The following SLC7A1 variants were observed in gnomAD, a reference collection of about 807,000 sequenced individuals.
SLC7A1 encodes the protein high affinity cationic amino acid transporter 1.
Under a neutral mutation model 53.9 loss-of-function variants are expected in SLC7A1, and 10 were observed. The observed-to-expected ratio is 0.19, with a 90% CI of 0.11 to 0.31. The LOEUF is 0.31. Among genes scored for constraint, SLC7A1 ranks in the 10% least tolerant of loss-of-function variants. The pLI is 1.00. For missense variants in SLC7A1, 525 were observed against 827.2 expected, an observed-to-expected ratio of 0.63 and a Z score of 4.48; for synonymous variants, 342 against 338.7, an observed-to-expected ratio of 1.01 and a Z score of -0.11.
At chr13:29,588,512 T>TC (rs1871981392) in intron 1 of SLC7A1, among the ~76,000 whole-genome samples, 2 of 151,074 alleles carry the variant, frequency 1.3e-5, no homozygotes, top group Non-Finnish European at 3.0e-5. Context: ...TTCTTTCTTT[T>TC]TTTTTTTTTG....
intron 9 of SLC7A1, among the ~76,000 whole-genome samples, chr13:29,518,656 C>G (rs1227635411): frequency 2.6e-5 from 4 of 152,158 alleles, no homozygotes; most frequent in African/African-American, 9.7e-5. Flanking sequence ...AGAGCTTCTG[C>G]TAAGGCTCAG....
Position 29,514,256 on chromosome 13 carries a change from G to A in SLC7A1, c.*224C>T. 2 of 560,338 alleles carry A rather than the reference G, an allele frequency of 3.6e-6. No individual in the cohort carries two copies. The highest frequency in any genetic ancestry group is 3.2e-6 in the Non-Finnish European group (1 of 311,886). The allele number at this position is 560,338 out of a possible 1,614,324, so 34.7% of individuals were successfully genotyped here. A position where few individuals can be genotyped will look rare whatever the true frequency, so the allele number is the denominator to read the frequency against. On this transcript the variant is annotated 3_prime_UTR_variant, in exon 13 of 13. Transcript: ENST00000380752. The stretch of plus-strand genomic sequence containing the variant: ...AGACACAGTGGCCAGCCGCAGCCTA[G>A]TGGCCCCGGCCAGGCAGCTGTCTGG...
At chr13:29,517,515 C>T in intron 10 of SLC7A1, 58 bp downstream of exon 10, 1 of 1,435,398 alleles carries the variant, frequency 7.0e-7, no homozygotes, top group East Asian at 2.3e-5. Flanking sequence ...TCCAGCTCCA[C>T]TGCCTAGAAA....
At chr13:29,562,290 T>C (rs1870793406) in intron 1 of SLC7A1, among the ~76,000 whole-genome samples, 1 of 152,252 alleles carries the variant, frequency 6.6e-6, no homozygotes, top group Non-Finnish European at 1.5e-5. Flanking sequence ...TTTCATTTTA[T>C]ATTTCACATT....
chr13:29,517,239 C>T lies in SLC7A1; in HGVS notation c.1582G>A (p.Ala528Thr). ...REALTKGALW[A>T]VFLLAGSALL... The stretch of plus-strand genomic sequence containing the variant: ...GCAGACCCTGCGAGCAGAAAGACTG[C>T]CCACAGCGCCCCTTTGGTGAGAGCC... Residue 528 changes from alanine to threonine, a missense_variant, in exon 11 of 13, where the codon GCA (alanine) becomes ACA (threonine). By Grantham distance (58) the Ala-to-Thr change is moderately conservative. Coordinates refer to ENST00000380752, the MANE Select transcript of SLC7A1 (RefSeq NM_003045.5). The T allele has an allele frequency of 6.2e-7, 1 of 1,613,272 alleles. No individual in the cohort carries two copies. Among genetic ancestry groups the T allele is most frequent in the Non-Finnish European group, 8.5e-7 (1 of 1,179,662 alleles).
At position 29,524,232 on chromosome 13, in the gene SLC7A1, G is replaced by A. The variant is rs761813938; in HGVS notation, c.726C>T (p.Pro242=). 6.8e-6 allele frequency: 11 copies of A among 1,613,990 alleles called. No individual in the cohort carries two copies. Among genetic ancestry groups the A allele is most frequent in the East Asian group, 4.5e-5 (2 of 44,890 alleles). Residue 242 remains proline, a synonymous_variant, in exon 6 of 13, where the codon CCC becomes CCT. Coordinates refer to ENST00000380752, the MANE Select transcript of SLC7A1 (RefSeq NM_003045.5). ...CGAAGGGCATGAATCCACCAACACC[G>A]GGCTTCCCTTCTTTTGTGTCACTAG... ...CLNNDTKEGK[P]GVGGFMPFGF...
Position 29,516,224 on chromosome 13 carries a change from G to GGGA in SLC7A1, c.1697_1699dup (p.Leu566dup). 1 of 1,613,162 alleles carries GGGA rather than the reference G, an allele frequency of 6.2e-7. No individual in the cohort carries two copies. The highest frequency in any genetic ancestry group is 8.5e-7 in the Non-Finnish European group (1 of 1,179,510). On this transcript the variant is annotated inframe_insertion, in exon 12 of 13. Transcript: ENST00000380752. The stretch of plus-strand genomic sequence containing the variant: ...GACGTTCACGAAGATGCTCAGGATG[G>GGGA]GGAGCACTGGCAGGAAGGGAACCTG...
intron 1 of SLC7A1, among the ~76,000 whole-genome samples, chr13:29,588,402 G>C (rs1325599114): frequency 6.6e-6 from 1 of 152,146 alleles, no homozygotes; most frequent in East Asian, 1.9e-4. Flanking sequence ...GAGTTTGTGT[G>C]GGGTGGAGAG....
intron 2 of SLC7A1, among the ~76,000 whole-genome samples, chr13:29,553,090 A>G (rs989968981): frequency 1.1e-4 from 17 of 152,236 alleles, no homozygotes; most frequent in African/African-American, 4.1e-4. Context: ...AACAGCCTGA[A>G]ATACCACTGC....
intron 2 of SLC7A1, among the ~76,000 whole-genome samples, chr13:29,540,000 C>G (rs1178983088): frequency 6.6e-6 from 1 of 152,128 alleles, no homozygotes; most frequent in Non-Finnish European, 1.5e-5. Flanking sequence ...ATGCAAAAAC[C>G]TGTTCTCCAA....
At chr13:29,543,187 G>A (rs1311814169) in intron 2 of SLC7A1, among the ~76,000 whole-genome samples, 1 of 152,166 alleles carries the variant, frequency 6.6e-6, no homozygotes, top group Non-Finnish European at 1.5e-5. Flanking sequence ...GAGAGTGTGG[G>A]ACAAAGAAAA....
At chr13:29,580,178 C>T (rs951037876) in intron 1 of SLC7A1, among the ~76,000 whole-genome samples, 4 of 152,192 alleles carry the variant, frequency 2.6e-5, no homozygotes, top group Non-Finnish European at 2.9e-5. Context: ...GAGTCCATGG[C>T]TGAGCCTGTG....
chr13:29,526,568 G>C (rs1043835788), intron 5 of SLC7A1, among the ~76,000 whole-genome samples: 4 of 152,186 alleles, frequency 2.6e-5, no homozygotes, highest in African/African-American at 9.7e-5. Flanking sequence ...AGGCAACCAT[G>C]AGGCAGAGGC....
At chr13:29,593,800 C>G (rs146266561) in intron 1 of SLC7A1, among the ~76,000 whole-genome samples, 1 of 151,616 alleles carries the variant, frequency 6.6e-6, no homozygotes, top group Non-Finnish European at 1.5e-5. Flanking sequence ...ATCATATGTA[C>G]AGGAGCACGT....
At position 29,513,107 on chromosome 13, in the gene SLC7A1, C is replaced by T. The variant is rs1345113771; in HGVS notation, c.*1373G>A. ...TCAGGTTTCCTCTGGCTCCCATCTA[C>T]AAGGAGTGTGTGTGAAATGGTGCTG... is the stretch of plus-strand genomic sequence containing the variant. On this transcript the variant is annotated 3_prime_UTR_variant, in exon 13 of 13. Transcript: ENST00000380752. The T allele has an allele frequency of 1.3e-5, 2 of 152,268 alleles. No individual in the cohort carries two copies. The highest frequency in any genetic ancestry group is 2.9e-5 in the Non-Finnish European group (2 of 68,100). The allele number at this position is 152,268 out of a possible 1,614,324, so 9.4% of individuals were successfully genotyped here. A position where few individuals can be genotyped will look rare whatever the true frequency, so the allele number is the denominator to read the frequency against.
rs546601066 is a variant in SLC7A1 at position 29,595,501 on chromosome 13, G to C, written c.-200C>G. 1.6e-3 allele frequency: 148 copies of C among 93,912 alleles called. No homozygotes were observed. The highest frequency in any genetic ancestry group is 5.6e-3 in the African/African-American group (142 of 25,176). The allele number at this position is 93,912 out of a possible 1,614,324, so 5.8% of individuals were successfully genotyped here. The stretch of plus-strand genomic sequence containing the variant: ...AAGGACCAACGGACGCTCGGCCGGC[G>C]AGACCGGGCGGGGCGGGGCGGGGCG... On this transcript the variant is annotated 5_prime_UTR_variant, in exon 1 of 13. Coordinates refer to ENST00000380752, the MANE Select transcript of SLC7A1 (RefSeq NM_003045.5).
At position 29,539,886 on chromosome 13, in the gene SLC7A1, T is replaced by C. The variant is rs764909328; in HGVS notation, c.-14-3684A>G. On this transcript the variant is annotated intron_variant, in intron 2 of 12. Transcript: ENST00000380752. ...GGGCTGATAATCTGGAGAATGTAAATGTCTCAGGCTAGGTGTTCATTCCTA... is the reference window on the plus strand; with the variant it reads ...GGGCTGATAATCTGGAGAATGTAAACGTCTCAGGCTAGGTGTTCATTCCTA... 1.2e-3 allele frequency among the ~76,000 whole-genome samples: 181 copies of C among 152,204 alleles called. 4 individuals carry two copies. The highest frequency in any genetic ancestry group is 2.4e-4 in the Non-Finnish European group (16 of 68,036).
intron 1 of SLC7A1, among the ~76,000 whole-genome samples, chr13:29,575,952 GAAC>G (rs1253325177): frequency 6.6e-6 from 1 of 151,904 alleles, no homozygotes; most frequent in African/African-American, 2.4e-5. Flanking sequence ...GTGCTCACAT[GAAC>G]AACAACATGA....
intron 1 of SLC7A1, among the ~76,000 whole-genome samples, chr13:29,568,051 G>T (rs1402650783): frequency 2.6e-5 from 4 of 152,114 alleles, no homozygotes; most frequent in African/African-American, 7.2e-5. Context: ...CGAAAAAATG[G>T]CTCTGCCCTC....
Sources: allele counts gnomAD v4.1 joint callset (sites outside exome capture counted in the v4.1 genomes callset), GRCh38; gene constraint gnomAD v4.1.1; transcripts MANE v1.5; gene names NCBI Gene and HGNC (gene_info 2026-07-23, HGNC 2026-07-21).